TENM3: variants seen among roughly 807,000 people sequenced by gnomAD.
TENM3 encodes teneurin-3.
In TENM3, 63 loss-of-function variants were observed where a neutral mutation model predicts 255.1. The ratio of observed to expected loss-of-function variants is 0.25; its 90% confidence interval spans 0.20 to 0.30. TENM3 has a LOEUF of 0.30. Ranked by LOEUF, TENM3 falls within the 10% of genes least tolerant of loss-of-function variation. The pLI is 1.00. For missense variants in TENM3, 2,929 were observed against 3,461.1 expected, an observed-to-expected ratio of 0.85 and a Z score of 3.86; for synonymous variants, 1,306 against 1,322.3, an observed-to-expected ratio of 0.99 and a Z score of 0.27.
At chr4:182,067,167 G>C in the TENM3 span, among the ~76,000 whole-genome samples, 14 of 152,242 alleles carry the variant, frequency 9.2e-5, no homozygotes, top group Non-Finnish European at 1.6e-4. Flanking sequence ...TCAGGGATGA[G>C]AGGCCGGCAG....
chr4:181,577,142 ATAAT>A, the TENM3 span, among the ~76,000 whole-genome samples: 4 of 134,948 alleles, frequency 3.0e-5, no homozygotes, highest in Non-Finnish European at 4.6e-5. Flanking sequence ...AATATAATAT[ATAAT>A]TAATATATAT....
chr4:181,800,058 A>T, the TENM3 span, among the ~76,000 whole-genome samples: 1 of 152,152 alleles, frequency 6.6e-6, no homozygotes, highest in African/African-American at 2.4e-5. Flanking sequence ...TGGTTCTTCA[A>T]AAAAGAGCCA....
intron 6 of TENM3, among the ~76,000 whole-genome samples, chr4:182,672,184 G>A (rs983426779): frequency 3.9e-5 from 6 of 152,208 alleles, no homozygotes; most frequent in Admixed American, 1.3e-4. Context: ...GTACCAAAAA[G>A]AGGAGTCTTG....
At chr4:182,713,231 A>G (rs1026705895) in intron 12 of TENM3, among the ~76,000 whole-genome samples, 1 of 152,208 alleles carries the variant, frequency 6.6e-6, no homozygotes, top group African/African-American at 2.4e-5. Context: ...ACTCTTCGCT[A>G]TCTGTCTTGA....
At chr4:182,279,162 G>A (rs758735529) in intron 1 of TENM3, among the ~76,000 whole-genome samples, 4 of 152,278 alleles carry the variant, frequency 2.6e-5, no homozygotes, top group Middle Eastern at 3.4e-3. Context: ...TGAGTGATCC[G>A]CAGTGTCTTT....
intron 3 of TENM3, among the ~76,000 whole-genome samples, chr4:182,497,688 C>T (rs561432993): frequency 5.9e-5 from 9 of 151,856 alleles, no homozygotes; most frequent in East Asian, 1.9e-4. Context: ...TTTATGCTTC[C>T]GATACAATTA....
At chr4:181,754,054 T>G in the TENM3 span, among the ~76,000 whole-genome samples, 1 of 152,196 alleles carries the variant, frequency 6.6e-6, no homozygotes. Context: ...TTTTTATACA[T>G]ATAGTTATGT....
intron 4 of TENM3, among the ~76,000 whole-genome samples, chr4:182,607,728 A>G (rs1339178125): frequency 6.6e-6 from 1 of 152,216 alleles, no homozygotes; most frequent in Non-Finnish European, 1.5e-5. Flanking sequence ...AGTATGCATT[A>G]ATCATTTGCT....
chr4:181,968,160 C>T, the TENM3 span, among the ~76,000 whole-genome samples: 2 of 152,178 alleles, frequency 1.3e-5, no homozygotes, highest in East Asian at 1.9e-4. Context: ...AGCCACTTCA[C>T]TTGCCTGAGA....
At chr4:182,328,500 G>A (rs6826273) in intron 2 of TENM3, among the ~76,000 whole-genome samples, 68,825 of 151,878 alleles carry the variant, frequency 0.45, 15,977 homozygotes, top group Admixed American at 0.61. Flanking sequence ...ACAGGCGTGA[G>A]CCACTGCACC....
At chr4:182,590,081 G>T (rs1425591337) in intron 3 of TENM3, among the ~76,000 whole-genome samples, 1 of 152,072 alleles carries the variant, frequency 6.6e-6, no homozygotes, top group Non-Finnish European at 1.5e-5. Context: ...TCTTGGCTTG[G>T]GGTTCCAGAA....
chr4:182,689,694 G>T (rs980460796), intron 12 of TENM3, among the ~76,000 whole-genome samples: 2 of 152,172 alleles, frequency 1.3e-5, no homozygotes, highest in Admixed American at 6.5e-5. Context: ...GCAGCGAAAC[G>T]AATCGACATA....
chr4:182,799,478 A>C lies in TENM3; in HGVS notation c.7345-118A>C. ...CGGGCTGTCAGCCTTCTGGTCAGGGAAGGACCCCGGGGCTTCCATGCATGC... is the reference window on the plus strand; with the variant it reads ...CGGGCTGTCAGCCTTCTGGTCAGGGCAGGACCCCGGGGCTTCCATGCATGC... On this transcript the variant is annotated intron_variant, in intron 27 of 27. Coordinates refer to ENST00000511685, the MANE Select transcript of TENM3 (RefSeq NM_001080477.4). This position sits in a 1 kb window ranked among gnomAD's most constrained non-coding sequence, Gnocchi z 4.2. 14 of 1,338,128 alleles carry C rather than the reference A, an allele frequency of 1.0e-5. No homozygotes were observed. The highest frequency in any genetic ancestry group is 1.5e-5 in the African/African-American group (1 of 67,144). The allele number at this position is 1,338,128 out of a possible 1,614,324, so 82.9% of individuals were successfully genotyped here.
chr4:182,428,432 T>C (rs1771390048), intron 3 of TENM3, among the ~76,000 whole-genome samples: 1 of 152,052 alleles, frequency 6.6e-6, no homozygotes, highest in Admixed American at 6.6e-5. Context: ...CCACCACTGC[T>C]GACTGATGTT....
chr4:182,088,352 T>G, the TENM3 span, among the ~76,000 whole-genome samples: 7 of 152,130 alleles, frequency 4.6e-5, no homozygotes. Context: ...AGGGTATTCC[T>G]TGTCACCCAG....
At chr4:182,244,481 C>A (rs1757517569) in intron 1 of TENM3, among the ~76,000 whole-genome samples, 1 of 152,180 alleles carries the variant, frequency 6.6e-6, no homozygotes, top group South Asian at 2.1e-4. Context: ...AGTCACTGTC[C>A]TTTGCATTCA....
chr4:181,620,528 G>T, the TENM3 span, among the ~76,000 whole-genome samples: 3 of 151,924 alleles, frequency 2.0e-5, no homozygotes, highest in African/African-American at 4.8e-5. Flanking sequence ...GGTCAGCCCC[G>T]CATTGTTCAA....
chr4:181,850,333 A>G, the TENM3 span, among the ~76,000 whole-genome samples: 17 of 152,146 alleles, frequency 1.1e-4, no homozygotes, highest in Admixed American at 4.6e-4. Context: ...TTAATAGCAT[A>G]TAAGTCATCT....
chr4:182,270,370 T>C (rs1759537313), intron 1 of TENM3, among the ~76,000 whole-genome samples: 2 of 152,238 alleles, frequency 1.3e-5, no homozygotes, highest in African/African-American at 2.4e-5. Flanking sequence ...CAAGGTCTGC[T>C]ATCTGTCATG....
Sources: gnomAD v4.1 joint callset for allele counts (sites outside exome capture counted in the v4.1 genomes callset) on GRCh38, gnomAD v4.1.1 for gene constraint, Gnocchi (gnomAD v3.1) non-coding constraint, MANE v1.5 for transcripts, NCBI Gene and HGNC (gene_info 2026-07-23, HGNC 2026-07-21) for gene names.